The following SUGCT variants were observed in gnomAD, a reference collection of about 807,000 sequenced individuals.
The protein encoded by SUGCT is succinyl-CoA:glutarate-CoA transferase.
In SUGCT, 41 loss-of-function variants were observed where a neutral mutation model predicts 55.0. The ratio of observed to expected loss-of-function variants is 0.74; its 90% confidence interval spans 0.58 to 0.97. The LOEUF (loss-of-function observed/expected upper bound fraction) is 0.97, where lower values mean the gene tolerates loss of function less well. SUGCT is among the 50% of genes least tolerant of loss of function. The pLI is 0.00. For missense variants in SUGCT, 568 were observed against 547.8 expected, an observed-to-expected ratio of 1.04 and a Z score of -0.37; for synonymous variants, 187 against 200.4, an observed-to-expected ratio of 0.93 and a Z score of 0.56.
intron 1 of SUGCT, among the ~76,000 whole-genome samples, chr7:40,161,901 C>G: frequency 6.6e-6 from 1 of 151,912 alleles, no homozygotes; most frequent in Non-Finnish European, 1.5e-5. Context: ...AGGTGATTTT[C>G]TTTTTTATTT....
At chr7:40,332,534 G>C (rs1389327785) in intron 9 of SUGCT, among the ~76,000 whole-genome samples, 1 of 151,652 alleles carries the variant, frequency 6.6e-6, no homozygotes, top group Non-Finnish European at 1.5e-5. Context: ...ACTTTAGAAG[G>C]GGTGTGGATT....
rs190432958 is a variant in SUGCT, at chr7:40,668,742, C to T, written c.1090-80692C>T. On this transcript the variant is annotated intron_variant, in intron 12 of 13. Transcript: ENST00000335693. The stretch of plus-strand genomic sequence containing the variant: ...TCTGGAAACCCTAATAGGCCATGGA[C>T]AATGAAAGCTCCAAGAACACCAAAA... Among the ~76,000 whole-genome samples the T allele has an allele frequency of 1.5e-3, 233 of 152,202 alleles. 1 individual carries two copies. The highest frequency in any genetic ancestry group is 5.4e-3 in the African/African-American group (226 of 41,528).
intron 9 of SUGCT, among the ~76,000 whole-genome samples, chr7:40,345,636 T>C (rs1368610837): frequency 6.6e-6 from 1 of 152,182 alleles, no homozygotes; most frequent in Non-Finnish European, 1.5e-5. Flanking sequence ...TTGCAATTTT[T>C]ATTTTTGTAA....
At position 40,772,748 on chromosome 7, in the gene SUGCT, A is replaced by G. The variant is rs558366932; in HGVS notation, c.1153+23251A>G. On this transcript the variant is annotated intron_variant, in intron 13 of 13. Transcript: ENST00000335693. Reference sequence around the variant, plus strand: ...TGGGCTCAAGGGATCCTCCCACCTCAGCCCCCTTAGTATCTGGGACTACAG... The same window carrying G: ...TGGGCTCAAGGGATCCTCCCACCTCGGCCCCCTTAGTATCTGGGACTACAG... Among the ~76,000 whole-genome samples the G allele has an allele frequency of 8.6e-5, 13 of 152,036 alleles. No individual in the cohort carries two copies. The East Asian group carries it at 2.5e-3, about 30-fold the overall frequency.
chr7:40,220,450 G>A (rs879305577), intron 6 of SUGCT, among the ~76,000 whole-genome samples: 1 of 152,194 alleles, frequency 6.6e-6, no homozygotes, highest in Non-Finnish European at 1.5e-5. Flanking sequence ...TGATAAGTCT[G>A]TTACCAAGTA....
At chr7:40,177,647 C>T (rs911356910) in intron 1 of SUGCT, among the ~76,000 whole-genome samples, 2 of 152,124 alleles carry the variant, frequency 1.3e-5, no homozygotes, top group South Asian at 2.1e-4. Context: ...TATCCCATAC[C>T]GCAATGCAAG....
At chr7:40,957,152 A>T in the SUGCT span, among the ~76,000 whole-genome samples, 1 of 152,210 alleles carries the variant, frequency 6.6e-6, no homozygotes, top group Non-Finnish European at 1.5e-5. Context: ...TCCAGAGCTG[A>T]GTTCAAGTCC....
chr7:40,777,334 A>G (rs1383221833), intron 13 of SUGCT, among the ~76,000 whole-genome samples: 2 of 152,036 alleles, frequency 1.3e-5, no homozygotes, highest in East Asian at 3.9e-4. Context: ...TACCTTTTCC[A>G]TGGGCATCGG....
At chr7:40,184,862 CCTT>C (rs1785409866) in intron 3 of SUGCT, among the ~76,000 whole-genome samples, 1 of 151,906 alleles carries the variant, frequency 6.6e-6, no homozygotes, top group Non-Finnish European at 1.5e-5. Context: ...TTGTTTGTTT[CCTT>C]CTTTTTTAAA....
At chr7:40,587,157 T>C (rs1797424376) in intron 12 of SUGCT, among the ~76,000 whole-genome samples, 1 of 152,202 alleles carries the variant, frequency 6.6e-6, no homozygotes, top group South Asian at 2.1e-4. Context: ...GGATTAACTA[T>C]AAAGAGACAC....
chr7:40,467,134 G>A (rs1246066760), intron 11 of SUGCT, among the ~76,000 whole-genome samples: 2 of 150,522 alleles, frequency 1.3e-5, no homozygotes, highest in Admixed American at 6.6e-5. Context: ...CCTGGGAGGC[G>A]GAGGTTGCAG....
intron 12 of SUGCT, among the ~76,000 whole-genome samples, chr7:40,514,193 T>C (rs1416439055): frequency 6.6e-6 from 1 of 152,080 alleles, no homozygotes; most frequent in Non-Finnish European, 1.5e-5. Flanking sequence ...GAAGATGCCT[T>C]AAATTGACGT....
intron 12 of SUGCT, among the ~76,000 whole-genome samples, chr7:40,560,722 G>A (rs2151661488): frequency 6.6e-6 from 1 of 152,290 alleles, no homozygotes; most frequent in Middle Eastern, 3.4e-3. Context: ...TGTAAAACTT[G>A]CATGGTAAAA....
chr7:40,639,643 T>C (rs1314412502), intron 12 of SUGCT, among the ~76,000 whole-genome samples: 3 of 151,496 alleles, frequency 2.0e-5, no homozygotes, highest in Non-Finnish European at 4.4e-5. Context: ...CCCTCCTGAG[T>C]AGCTGGGATT....
intron 11 of SUGCT, among the ~76,000 whole-genome samples, chr7:40,466,549 A>G (rs1790119855): frequency 6.6e-6 from 1 of 152,212 alleles, no homozygotes; most frequent in East Asian, 1.9e-4. Context: ...TTGACAAGAC[A>G]GTGAATTTCT....
the SUGCT span, among the ~76,000 whole-genome samples, chr7:40,866,663 T>G: frequency 2.6e-5 from 4 of 151,938 alleles, no homozygotes; most frequent in African/African-American, 9.7e-5. Context: ...AGCCAGTGAC[T>G]TGGGCTCCCA....
intron 12 of SUGCT, among the ~76,000 whole-genome samples, chr7:40,722,085 C>T (rs895248147): frequency 1.3e-5 from 2 of 151,226 alleles, no homozygotes; most frequent in African/African-American, 2.4e-5. Flanking sequence ...TTTTTTTTAA[C>T]GTCTTTGAAT....
intron 6 of SUGCT, among the ~76,000 whole-genome samples, chr7:40,208,088 G>T (rs1787096852): frequency 6.6e-6 from 1 of 152,174 alleles, no homozygotes; most frequent in African/African-American, 2.4e-5. Flanking sequence ...AGTCAGAAAA[G>T]GTCAAGTACT....
At chr7:40,800,275 C>G (rs1790748482) in intron 13 of SUGCT, among the ~76,000 whole-genome samples, 1 of 144,316 alleles carries the variant, frequency 6.9e-6, no homozygotes, top group African/African-American at 2.6e-5. Flanking sequence ...GTTGGGGTGT[C>G]GTATTCATGA....
Sources: allele counts gnomAD v4.1 joint callset (sites outside exome capture counted in the v4.1 genomes callset), GRCh38; gene constraint gnomAD v4.1.1; transcripts MANE v1.5; gene names NCBI Gene and HGNC (gene_info 2026-07-23, HGNC 2026-07-21).